STXBP4: variants seen among roughly 807,000 people sequenced by gnomAD.
STXBP4 encodes the protein syntaxin binding protein 4.
A neutral mutation model predicts 76.1 loss-of-function variants in STXBP4; 55 were observed. The observed-to-expected ratio is 0.72, with a 90% confidence interval of 0.58 to 0.91. The LOEUF (loss-of-function observed/expected upper bound fraction) is 0.91, where lower values mean the gene tolerates loss of function less well. STXBP4 is among the 40% of genes least tolerant of loss of function. STXBP4 has a pLI of 0.00. For missense variants in STXBP4, 618 were observed against 636.9 expected (o/e 0.97, Z 0.32); for synonymous variants, 201 against 220.2 (o/e 0.91, Z 0.77).
intron 12 of STXBP4, among the ~76,000 whole-genome samples, chr17:55,052,989 A>T (rs925668607): frequency 2.1e-5 from 2 of 96,214 alleles, no homozygotes; most frequent in Admixed American, 3.1e-4. Flanking sequence ...TATTTTCTTA[A>T]AAAAAAAAAA....
intron 1 of STXBP4, among the ~76,000 whole-genome samples, chr17:54,975,768 C>T (rs1204216351): frequency 6.6e-6 from 1 of 152,176 alleles, no homozygotes; most frequent in Non-Finnish European, 1.5e-5. Context: ...CACTCTCTCC[C>T]TGTTCACCAC....
chr17:55,083,215 A>G (rs955386419), intron 16 of STXBP4, among the ~76,000 whole-genome samples: 1 of 152,084 alleles, frequency 6.6e-6, no homozygotes, highest in African/African-American at 2.4e-5. Context: ...GACTGAAGCA[A>G]TCCACCCACC....
rs1345225165 is a variant in STXBP4 at position 55,135,682 on chromosome 17, A to G, written c.1490-5628A>G. Among the ~76,000 whole-genome samples the G allele has an allele frequency of 2.0e-5, 3 of 152,166 alleles. No individual in the cohort carries two copies. The East Asian group carries it at 5.8e-4, about 29-fold the overall frequency. On this transcript the variant is annotated intron_variant, in intron 16 of 17. Transcript: ENST00000376352. ...AGTTCAGACCTACAAATTAACTTGT[A>G]CAATTGTAAACATGTAATGTCTCTA...
At chr17:55,009,874 T>G (rs1373754892) in intron 8 of STXBP4, among the ~76,000 whole-genome samples, 1 of 152,062 alleles carries the variant, frequency 6.6e-6, no homozygotes, top group Non-Finnish European at 1.5e-5. Context: ...AAGCTATTAC[T>G]TGTTTTGCAC....
intron 16 of STXBP4, among the ~76,000 whole-genome samples, chr17:55,123,633 G>C (rs1041374886): frequency 6.6e-6 from 1 of 152,152 alleles, no homozygotes; most frequent in Non-Finnish European, 1.5e-5. Context: ...AGGTGCGGTG[G>C]CTCATGCCTG....
the STXBP4 span, among the ~76,000 whole-genome samples, chr17:55,190,955 G>A: frequency 6.6e-6 from 1 of 152,206 alleles, no homozygotes; most frequent in African/African-American, 2.4e-5. Flanking sequence ...GCAGTAAAGT[G>A]AAACTCACAA....
intron 11 of STXBP4, 139 bp from the exon 12 acceptor site, chr17:55,046,950 A>C: frequency 1.8e-6 from 1 of 542,114 alleles, no homozygotes; most frequent in Non-Finnish European, 3.3e-6. Flanking sequence ...ATGTAAAGCC[A>C]GAAAAATGAC....
the STXBP4 span, among the ~76,000 whole-genome samples, chr17:55,204,855 C>A: frequency 2.0e-5 from 3 of 149,844 alleles, no homozygotes; most frequent in Admixed American, 6.7e-5. Context: ...AACACACATA[C>A]CCCTTCAAAA....
chr17:55,037,339 T>C (rs535591593), intron 10 of STXBP4, among the ~76,000 whole-genome samples: 8 of 152,284 alleles, frequency 5.3e-5, no homozygotes, highest in African/African-American at 1.4e-4. Context: ...GCCAATGAAA[T>C]AGGCAATTCA....
At chr17:55,195,032 G>A in the STXBP4 span, among the ~76,000 whole-genome samples, 1 of 152,150 alleles carries the variant, frequency 6.6e-6, no homozygotes, top group African/African-American at 2.4e-5. Context: ...ACCAAGCAAG[G>A]GAGGGATGGT....
At chr17:55,002,781 T>C (rs976673803) in intron 7 of STXBP4, among the ~76,000 whole-genome samples, 2 of 152,202 alleles carry the variant, frequency 1.3e-5, no homozygotes, top group Non-Finnish European at 2.9e-5. Flanking sequence ...AACCTTGAAA[T>C]AGTTACAAGT....
At chr17:55,055,248 T>C (rs928005965) in intron 12 of STXBP4, among the ~76,000 whole-genome samples, 2 of 152,154 alleles carry the variant, frequency 1.3e-5, no homozygotes, top group Admixed American at 1.3e-4. Context: ...CCTACACATA[T>C]AAGCAGTTGA....
intron 12 of STXBP4, 22 bp downstream of exon 12, chr17:55,047,176 AT>A: frequency 6.9e-7 from 1 of 1,453,440 alleles, no homozygotes; most frequent in African/African-American, 1.7e-5. Flanking sequence ...TATTGTGTAT[AT>A]ATGTGCTCGT....
intron 16 of STXBP4, among the ~76,000 whole-genome samples, chr17:55,124,193 G>A (rs2079879240): frequency 6.6e-6 from 1 of 152,180 alleles, no homozygotes; most frequent in Admixed American, 6.5e-5. Context: ...TTGGGAGAAT[G>A]AGATGGAGGT....
the STXBP4 span, among the ~76,000 whole-genome samples, chr17:55,191,708 G>A: frequency 6.6e-6 from 1 of 152,074 alleles, no homozygotes; most frequent in Non-Finnish European, 1.5e-5. Context: ...TCAAGTTGAG[G>A]TGTTCTCCGA....
intron 13 of STXBP4, among the ~76,000 whole-genome samples, chr17:55,075,805 T>G (rs1250987349): frequency 2.0e-5 from 3 of 152,168 alleles, no homozygotes; most frequent in African/African-American, 7.2e-5. Context: ...TGACACTAGC[T>G]CATGAGAGCT....
intron 16 of STXBP4, among the ~76,000 whole-genome samples, chr17:55,083,415 C>G (rs532726483): frequency 4.6e-4 from 70 of 152,200 alleles, no homozygotes; most frequent in African/African-American, 1.6e-3. Flanking sequence ...AAAACATACT[C>G]GGGAATAAGT....
intron 16 of STXBP4, among the ~76,000 whole-genome samples, chr17:55,117,657 G>A (rs2079797416): frequency 6.6e-6 from 1 of 151,312 alleles, no homozygotes; most frequent in Non-Finnish European, 1.5e-5. Context: ...TGCTTTACAA[G>A]TGAAAAACTG....
chr17:55,116,821 ATC>A (rs1161422299), intron 16 of STXBP4, among the ~76,000 whole-genome samples: 1 of 151,768 alleles, frequency 6.6e-6, no homozygotes, highest in African/African-American at 2.4e-5. Context: ...TAGATTTCAA[ATC>A]TCTGTAGTAT....
Sources: allele counts gnomAD v4.1 joint callset (sites outside exome capture counted in the v4.1 genomes callset), GRCh38; gene constraint gnomAD v4.1.1; transcripts MANE v1.5; gene names NCBI Gene and HGNC (gene_info 2026-07-23, HGNC 2026-07-21).